The following BTBD8 variants were observed in gnomAD, a reference collection of about 807,000 sequenced individuals.
BTBD8 encodes BTB domain containing 8.
Under a neutral mutation model 162.9 loss-of-function variants are expected in BTBD8, and 110 were observed. That is an observed-to-expected ratio of 0.68 (90% CI 0.58 to 0.79). BTBD8 has a LOEUF of 0.79. BTBD8 is among the 30% of genes least tolerant of loss of function. BTBD8 has a pLI of 0.00. For missense variants in BTBD8, 1,905 were observed against 2,085.4 expected (o/e 0.91, Z 1.68); for synonymous variants, 667 against 716.1 (o/e 0.93, Z 1.10).
Position 92,184,254 on chromosome 1 carries a change from C to T in BTBD8, c.5303C>T (p.Thr1768Ile). The T allele has an allele frequency of 6.4e-7, 1 of 1,551,600 alleles. No homozygotes were observed. The part of the protein sequence containing the change: ...TSPLDSSASI[T>I]MASFSSEDCS... The stretch of plus-strand genomic sequence containing the variant: ...CCACTTGATTCCTCAGCGAGCATCA[C>T]CATGGCTAGTTTTTCCTCTGAAGAT... The change falls in exon 18 of 18, where the codon ACC (threonine) becomes ATC (isoleucine). Residue 1768 changes from threonine to isoleucine, a missense_variant. Coordinates refer to ENST00000636805, the MANE Select transcript of BTBD8 (RefSeq NM_001376131.1).
chr1:92,108,450 T>C (rs1241112809), intron 4 of BTBD8, among the ~76,000 whole-genome samples: 1 of 152,268 alleles, frequency 6.6e-6, no homozygotes, highest in African/African-American at 2.4e-5. Flanking sequence ...GTATTTTCTC[T>C]GAATGCATTT....
At chr1:92,086,437 C>G (rs1350020097) in intron 1 of BTBD8, among the ~76,000 whole-genome samples, 1 of 152,112 alleles carries the variant, frequency 6.6e-6, no homozygotes, top group East Asian at 1.9e-4. Context: ...TTGAGACCAG[C>G]CAGGGGAACA....
intron 9 of BTBD8, among the ~76,000 whole-genome samples, chr1:92,164,898 C>T (rs1050660720): frequency 1.3e-5 from 2 of 151,536 alleles, no homozygotes; most frequent in African/African-American, 4.8e-5. Context: ...GTGATCTGCC[C>T]ACCTCAGCCT....
At chr1:92,134,552 A>G (rs192455752) in intron 5 of BTBD8, among the ~76,000 whole-genome samples, 1 of 152,194 alleles carries the variant, frequency 6.6e-6, no homozygotes, top group Non-Finnish European at 1.5e-5. Flanking sequence ...CAGATCAAGC[A>G]TCACCTTCCC....
At chr1:92,147,381 T>A in intron 8 of BTBD8, 113 bp downstream of exon 8, 1 of 841,426 alleles carries the variant, frequency 1.2e-6, no homozygotes. Flanking sequence ...ACAATGTAAG[T>A]AAGTAGCTTA....
intron 7 of BTBD8, among the ~76,000 whole-genome samples, chr1:92,143,249 T>A (rs142648087): frequency 1.7e-4 from 26 of 152,286 alleles, no homozygotes; most frequent in African/African-American, 6.3e-4. Flanking sequence ...TAAAGCTTAT[T>A]TAAGAGCCTT....
chr1:92,171,690 A>G (rs1470717969), intron 13 of BTBD8, among the ~76,000 whole-genome samples: 1 of 152,120 alleles, frequency 6.6e-6, no homozygotes, highest in East Asian at 1.9e-4. Flanking sequence ...TTCCTTGAAA[A>G]CCTTTTTGGC....
rs773870503 is a variant in BTBD8 at position 92,147,793 on chromosome 1, A to G, written c.1122+7A>G. 1.9e-6 allele frequency: 3 copies of G among 1,591,808 alleles called. No individual in the cohort carries two copies. Among genetic ancestry groups the G allele is most frequent in the Non-Finnish European group, 2.6e-6 (3 of 1,163,754 alleles). ...TATGTTGATTCAGTCCTTAGTAAGTATAACCTGAATACTCTTTTGTGTGTT... is the reference window on the plus strand; with the variant it reads ...TATGTTGATTCAGTCCTTAGTAAGTGTAACCTGAATACTCTTTTGTGTGTT... On this transcript the variant is annotated splice_region_variant and intron_variant, in intron 9 of 17. Coordinates refer to ENST00000636805, the MANE Select transcript of BTBD8 (RefSeq NM_001376131.1).
At position 92,178,379 on chromosome 1, in the gene BTBD8, G is replaced by A. The variant is rs1650784673; in HGVS notation, c.2509G>A (p.Gly837Arg). The change falls in exon 16 of 18, where the codon GGA becomes AGA. Residue 837 changes from glycine (G) to arginine (R), a missense_variant. Physicochemically the swap from Gly to Arg is moderately radical, Grantham distance 125. Transcript: ENST00000636805. ...PVPQAILKKR[G>R]TSNGCTAAQQ... is the part of the protein sequence containing the mutation. ...ACCACAGGCAATTTTGAAGAAAAGAGGAACTAGCAATGGATGTACTGCAGC... is the reference window on the plus strand; with the variant it reads ...ACCACAGGCAATTTTGAAGAAAAGAAGAACTAGCAATGGATGTACTGCAGC... 3.2e-6 allele frequency: 5 copies of A among 1,551,466 alleles called. No individual in the cohort carries two copies. Among genetic ancestry groups the A allele is most frequent in the South Asian group, 2.4e-5 (2 of 84,050 alleles).
chr1:92,114,861 C>G (rs757462960), intron 4 of BTBD8: 3 of 338,944 alleles, frequency 8.9e-6, no homozygotes, highest in African/African-American at 2.2e-5. Flanking sequence ...TAGCCAAATT[C>G]ATTGTCATGC....
intron 2 of BTBD8, among the ~76,000 whole-genome samples, chr1:92,091,010 G>T (rs1361347920): frequency 6.6e-6 from 1 of 152,234 alleles, no homozygotes; most frequent in Non-Finnish European, 1.5e-5. Flanking sequence ...TGATGGCTAA[G>T]AAACCATTGG....
At chr1:92,092,115 C>T (rs755225292) in intron 2 of BTBD8, among the ~76,000 whole-genome samples, 3 of 151,972 alleles carry the variant, frequency 2.0e-5, no homozygotes, top group Non-Finnish European at 4.4e-5. Context: ...TATAAGAAGA[C>T]TTAGGGCGGG....
intron 9 of BTBD8, chr1:92,150,783 A>C (rs1650026972): frequency 6.6e-6 from 1 of 152,230 alleles, no homozygotes; most frequent in Non-Finnish European, 1.5e-5. Context: ...AGGAAACTGG[A>C]GTGTCCAGAG....
intron 5 of BTBD8, among the ~76,000 whole-genome samples, chr1:92,132,433 G>A (rs1649537076): frequency 6.6e-6 from 1 of 152,078 alleles, no homozygotes; most frequent in Non-Finnish European, 1.5e-5. Flanking sequence ...GCAGAGGTCA[G>A]TGGGCAAGAA....
rs948830556 is a variant in BTBD8, at chr1:92,107,362, A to G, written c.545-522A>G. Among the ~76,000 whole-genome samples, 9 of 152,184 alleles carry G rather than the reference A, an allele frequency of 5.9e-5. No homozygotes were observed. In the East Asian group the frequency reaches 1.7e-3, roughly 29 times the overall value. The stretch of plus-strand genomic sequence containing the variant: ...ATAATGACATTTTGGTCAACAATGG[A>G]CCACATATATGACAAAGGTTTCATA... On this transcript the variant is annotated intron_variant, in intron 3 of 17. Coordinates refer to ENST00000636805, the MANE Select transcript of BTBD8 (RefSeq NM_001376131.1).
rs377375059 is a variant in BTBD8 at position 92,115,329 on chromosome 1, CA to C, written c.662+7329del. On this transcript the variant is annotated intron_variant, in intron 4 of 17. Coordinates refer to ENST00000636805, the MANE Select transcript of BTBD8 (RefSeq NM_001376131.1). The stretch of plus-strand genomic sequence containing the variant: ...CAGAGTTGTTATGGATGATCTTGAC[CA>C]GGGAGCTAAGCAGTTGGTGGTACAG... 644 of 452,312 alleles carry C rather than the reference CA, an allele frequency of 1.4e-3. 9 individuals are homozygous for C. The highest frequency in any genetic ancestry group is 0.012 in the African/African-American group (601 of 49,700). 28.0% of individuals were successfully genotyped at this position (452,312 alleles called of 1,614,324 possible). A position where few individuals can be genotyped will look rare whatever the true frequency, so the allele number is the denominator to read the frequency against.
At chr1:92,111,049 T>A (rs1353062440) in intron 4 of BTBD8, among the ~76,000 whole-genome samples, 1 of 151,446 alleles carries the variant, frequency 6.6e-6, no homozygotes, top group Non-Finnish European at 1.5e-5. Context: ...TGGAGTGCAG[T>A]GGCGTAATCT....
intron 3 of BTBD8, among the ~76,000 whole-genome samples, chr1:92,104,910 A>G (rs1043909244): frequency 2.7e-5 from 4 of 149,992 alleles, no homozygotes; most frequent in African/African-American, 9.8e-5. Flanking sequence ...CTGACTAAAC[A>G]TACCTGTTAA....
At chr1:92,149,692 T>G (rs1031335821) in intron 9 of BTBD8, among the ~76,000 whole-genome samples, 2 of 152,200 alleles carry the variant, frequency 1.3e-5, no homozygotes, top group Non-Finnish European at 2.9e-5. Flanking sequence ...ACTGCAATGT[T>G]CATTTACACT....
Sources: allele counts gnomAD v4.1 joint callset (sites outside exome capture counted in the v4.1 genomes callset), GRCh38; gene constraint gnomAD v4.1.1; transcripts MANE v1.5; gene names NCBI Gene and HGNC (gene_info 2026-07-23, HGNC 2026-07-21).